Variants in STK32A observed in about 807,000 individuals in gnomAD.
The protein encoded by STK32A is serine/threonine-protein kinase 32A.
In STK32A, 41 loss-of-function variants were observed where a neutral mutation model predicts 53.2. The ratio of observed to expected loss-of-function variants is 0.77; its 90% CI spans 0.60 to 1.00. STK32A has a LOEUF of 1.00. Among genes scored for constraint, STK32A ranks in the 50% least tolerant of loss-of-function variants. The pLI is 0.00. For missense variants in STK32A, 458 were observed against 485.8 expected (o/e 0.94, Z 0.54); for synonymous variants, 166 against 162.8 (o/e 1.02, Z -0.15).
At chr5:147,397,656 T>C in the STK32A span, 1 of 1,611,442 alleles carries the variant, frequency 6.2e-7, no homozygotes, top group Admixed American at 1.7e-5. Context: ...AGAGCTCCAA[T>C]GCTTTTTACC....
chr5:147,396,256 C>T, the STK32A span, among the ~76,000 whole-genome samples: 1 of 152,174 alleles, frequency 6.6e-6, no homozygotes, highest in Admixed American at 6.5e-5. Context: ...TGTGGTCTGA[C>T]CCACTGACCT....
chr5:147,292,320 T>C (rs1457396263), intron 4 of STK32A, among the ~76,000 whole-genome samples: 1 of 152,228 alleles, frequency 6.6e-6, no homozygotes, highest in African/African-American at 2.4e-5. Flanking sequence ...TGTCTCCAAC[T>C]GTGTACTGTT....
chr5:147,343,176 A>C (rs777656226), intron 6 of STK32A, 133 bp downstream of exon 6: 10 of 933,464 alleles, frequency 1.1e-5, no homozygotes, highest in Non-Finnish European at 1.7e-5. Flanking sequence ...CAAACTCCTC[A>C]TAGACAATAT....
At chr5:147,236,161 C>T (rs1212427724) in intron 1 of STK32A, among the ~76,000 whole-genome samples, 3 of 152,132 alleles carry the variant, frequency 2.0e-5, no homozygotes, top group African/African-American at 7.2e-5. Flanking sequence ...GTTAGAGAAG[C>T]TTACCTGTTG....
chr5:147,306,777 G>C (rs1475098728), intron 4 of STK32A, among the ~76,000 whole-genome samples: 4 of 151,952 alleles, frequency 2.6e-5, no homozygotes, highest in Admixed American at 6.5e-5. Context: ...TAAGGAAAGG[G>C]ATAAATCACA....
At chr5:147,356,188 C>T (rs778029558) in intron 7 of STK32A, among the ~76,000 whole-genome samples, 14 of 152,010 alleles carry the variant, frequency 9.2e-5, no homozygotes, top group Non-Finnish European at 1.6e-4. Flanking sequence ...TGAAATTAAA[C>T]CCAAGTCTAG....
chr5:147,268,542 G>A (rs1326221346), intron 2 of STK32A, among the ~76,000 whole-genome samples: 1 of 152,160 alleles, frequency 6.6e-6, no homozygotes, highest in Non-Finnish European at 1.5e-5. Context: ...ATAGAGCCAG[G>A]CACATTAATG....
chr5:147,371,152 C>T (rs985861863), intron 9 of STK32A, among the ~76,000 whole-genome samples: 16 of 152,058 alleles, frequency 1.1e-4, no homozygotes, highest in Non-Finnish European at 1.9e-4. Context: ...AAATATTTCA[C>T]TTCTCTCTGT....
At chr5:147,355,760 A>T (rs1756199916) in intron 7 of STK32A, among the ~76,000 whole-genome samples, 1 of 141,992 alleles carries the variant, frequency 7.0e-6, no homozygotes, top group African/African-American at 2.7e-5. Context: ...GTATGTGTAT[A>T]TATGTATATG....
intron 6 of STK32A, 40 bp from the exon 7 acceptor site, chr5:147,351,025 A>G (rs1228188169): frequency 6.4e-7 from 1 of 1,572,304 alleles, no homozygotes; most frequent in African/African-American, 1.3e-5. Flanking sequence ...ACTGGGTTGA[A>G]TGGGACTTAA....
At chr5:147,263,293 G>C (rs1294025652) in intron 2 of STK32A, among the ~76,000 whole-genome samples, 1 of 152,146 alleles carries the variant, frequency 6.6e-6, no homozygotes, top group African/African-American at 2.4e-5. Context: ...CAACATCCAG[G>C]CCGCAGCTAG....
At chr5:147,249,214 T>A (rs748146614) in intron 2 of STK32A, among the ~76,000 whole-genome samples, 8 of 152,176 alleles carry the variant, frequency 5.3e-5, no homozygotes, top group Non-Finnish European at 1.0e-4. Flanking sequence ...AAATAGAATT[T>A]TTTTTTTATA....
downstream of STK32A, among the ~76,000 whole-genome samples, chr5:147,389,310 A>G (rs918513329): frequency 8.6e-5 from 13 of 151,996 alleles, no homozygotes; most frequent in African/African-American, 2.9e-4. Flanking sequence ...CCTTGCATCC[A>G]TCCCTCTTCA....
intron 2 of STK32A, among the ~76,000 whole-genome samples, chr5:147,270,069 T>C (rs13188449): frequency 0.59 from 89,174 of 151,698 alleles, 26,546 homozygotes; most frequent in African/African-American, 0.67. Flanking sequence ...AGCAAAAATG[T>C]GTGTCAAAAG....
chr5:147,322,020 T>C (rs1183971226), intron 4 of STK32A, among the ~76,000 whole-genome samples: 1 of 152,212 alleles, frequency 6.6e-6, no homozygotes, highest in Non-Finnish European at 1.5e-5. Flanking sequence ...AGGTCCCAGA[T>C]ATGATTACAG....
At chr5:147,356,350 G>A (rs778519741) in intron 7 of STK32A, among the ~76,000 whole-genome samples, 7 of 152,024 alleles carry the variant, frequency 4.6e-5, no homozygotes, top group Non-Finnish European at 8.8e-5. Flanking sequence ...CACTACTATC[G>A]TTACAGTTTT....
intron 7 of STK32A, among the ~76,000 whole-genome samples, chr5:147,351,762 G>A (rs966689315): frequency 2.0e-5 from 3 of 152,128 alleles, no homozygotes; most frequent in South Asian, 2.1e-4. Context: ...CAGGAGAATC[G>A]CTTGAATCTG....
At chr5:147,327,415 A>G (rs1754653535) in intron 5 of STK32A, among the ~76,000 whole-genome samples, 1 of 152,250 alleles carries the variant, frequency 6.6e-6, no homozygotes, top group African/African-American at 2.4e-5. Context: ...GAAAAAAAGA[A>G]TCAATGAAAG....
intron 2 of STK32A, among the ~76,000 whole-genome samples, chr5:147,272,943 G>A (rs943021915): frequency 6.6e-6 from 1 of 152,158 alleles, no homozygotes; most frequent in African/African-American, 2.4e-5. Context: ...GTTCTCAATA[G>A]ACTCACTTAT....
Sources: gnomAD v4.1 joint callset for allele counts (sites outside exome capture counted in the v4.1 genomes callset) on GRCh38, gnomAD v4.1.1 for gene constraint, MANE v1.5 for transcripts, NCBI Gene and HGNC (gene_info 2026-07-23, HGNC 2026-07-21) for gene names.